IMPG2: variants seen among roughly 807,000 people sequenced by gnomAD.
IMPG2 encodes interphotoreceptor matrix proteoglycan 2, also known as IPM 200.
IMPG2 carries 91 observed loss-of-function variants against 129.2 expected under a neutral mutation model. The ratio of observed to expected loss-of-function variants is 0.70; its 90% confidence interval spans 0.59 to 0.84. IMPG2 has a LOEUF of 0.84. Ranked by LOEUF, IMPG2 falls within the 40% of genes least tolerant of loss-of-function variation. IMPG2 has a pLI of 0.00. For missense variants in IMPG2, 1,430 were observed against 1,461.7 expected (o/e 0.98, Z 0.35); for synonymous variants, 510 against 517.7 (o/e 0.99, Z 0.20).
intron 18 of IMPG2, among the ~76,000 whole-genome samples, 167 bp downstream of exon 18, chr3:101,228,630 T>C (rs1409752675): frequency 6.6e-6 from 1 of 152,230 alleles, no homozygotes; most frequent in East Asian, 1.9e-4. Flanking sequence ...AGAAATGAGA[T>C]AATCTGCCTG....
At chr3:101,297,416 T>A (rs1486675701) in intron 3 of IMPG2, among the ~76,000 whole-genome samples, 1 of 152,150 alleles carries the variant, frequency 6.6e-6, no homozygotes, top group African/African-American at 2.4e-5. Flanking sequence ...TCTGCTCTGA[T>A]CTTAGTTGTT....
intron 4 of IMPG2, among the ~76,000 whole-genome samples, chr3:101,279,928 A>G (rs1442570132): frequency 1.3e-5 from 2 of 152,328 alleles, no homozygotes; most frequent in Non-Finnish European, 2.9e-5. Flanking sequence ...ACTTAACAAC[A>G]AGAATCCTTT....
chr3:101,300,893 A>C (rs879764312), intron 3 of IMPG2, among the ~76,000 whole-genome samples: 1 of 152,232 alleles, frequency 6.6e-6, no homozygotes, highest in South Asian at 2.1e-4. Context: ...CTTAAGGCCT[A>C]TCTCAGTTTT....
intron 3 of IMPG2, among the ~76,000 whole-genome samples, chr3:101,291,893 A>C (rs756165026): frequency 1.3e-5 from 2 of 152,356 alleles, no homozygotes; most frequent in Non-Finnish European, 2.9e-5. Flanking sequence ...CTCATCCTAG[A>C]ACAATGTAAA....
chr3:101,227,169 T>G (rs1041276525), intron 18 of IMPG2, among the ~76,000 whole-genome samples, 188 bp from the exon 19 acceptor site: 2 of 152,254 alleles, frequency 1.3e-5, no homozygotes. Context: ...AAAGATCATG[T>G]GATGCTTTAA....
intron 14 of IMPG2, among the ~76,000 whole-genome samples, chr3:101,240,018 GT>G (rs1706389436): frequency 6.6e-6 from 1 of 151,538 alleles, no homozygotes; most frequent in Admixed American, 6.6e-5. Flanking sequence ...GTATACCTGT[GT>G]AACAGATCTG....
intron 9 of IMPG2, among the ~76,000 whole-genome samples, chr3:101,265,215 A>G (rs1706709935): frequency 6.6e-6 from 1 of 152,160 alleles, no homozygotes; most frequent in Non-Finnish European, 1.5e-5. Flanking sequence ...GTATGGAACC[A>G]CAAAAGACCC....
chr3:101,246,100 A>T lies in IMPG2; in HGVS notation c.1245T>A (p.Asn415Lys). Residue 415 changes from asparagine to lysine, a missense_variant, in exon 12 of 19, where the codon AAT becomes AAA. Coordinates refer to ENST00000193391, the MANE Select transcript of IMPG2 (RefSeq NM_016247.4). ...LQATPSSILD[N>K]TFQAAWPSAD... ...CTGAGGGCCATGCAGCTTGAAAGGTATTATCCTGGGGGGAAAAAAAGGCTA... is the reference window on the plus strand; with the variant it reads ...CTGAGGGCCATGCAGCTTGAAAGGTTTTATCCTGGGGGGAAAAAAAGGCTA... 6.2e-7 allele frequency: 1 copy of T among 1,613,920 alleles called. No homozygotes were observed. The highest frequency in any genetic ancestry group is 2.2e-5 in the East Asian group (1 of 44,878).
At position 101,230,878 on chromosome 3, in the gene IMPG2, T is replaced by C. The variant is rs1576742500; in HGVS notation, c.3422+79A>G. On this transcript the variant is annotated intron_variant, in intron 16 of 18. Coordinates refer to ENST00000193391, the MANE Select transcript of IMPG2 (RefSeq NM_016247.4). ...TCCACCCAGCCAGCTCCTTGTCCAATATTTGGCACCTGGTAAGTACTAAAT... is the reference window on the plus strand; with the variant it reads ...TCCACCCAGCCAGCTCCTTGTCCAACATTTGGCACCTGGTAAGTACTAAAT... 7 of 1,315,606 alleles carry C rather than the reference T, an allele frequency of 5.3e-6. No homozygotes were observed. In the East Asian group the frequency reaches 1.4e-4, roughly 26 times the overall value. 81.5% of individuals were successfully genotyped at this position (1,315,606 alleles called of 1,614,324 possible).
At chr3:101,274,955 T>TTCATG (rs1414310795) in intron 6 of IMPG2, among the ~76,000 whole-genome samples, 5 of 152,096 alleles carry the variant, frequency 3.3e-5, no homozygotes. Context: ...GTGGAGCGAC[T>TTCATG]TAACCTGATT....
At position 101,232,939 on chromosome 3, in the gene IMPG2, A is replaced by G. The variant is rs756842727; in HGVS notation, c.3075T>C (p.Cys1025=). The G allele has an allele frequency of 3.7e-6, 6 of 1,613,948 alleles. No homozygotes were observed. The highest frequency in any genetic ancestry group is 5.1e-6 in the Non-Finnish European group (6 of 1,180,028). Residue 1025 remains cysteine (C), a synonymous_variant, in exon 15 of 19, where the codon TGT becomes TGC. Coordinates refer to ENST00000193391, the MANE Select transcript of IMPG2 (RefSeq NM_016247.4). ...CTTCTCCACTCCAGGGGTTGACCAG[A>G]CACTCTGAAAATTCATTACAGGCCT... ...KFQACNEFSE[C]LVNPWSGEAK...
At chr3:101,296,140 G>A (rs567368475) in intron 3 of IMPG2, among the ~76,000 whole-genome samples, 73 of 152,254 alleles carry the variant, frequency 4.8e-4, no homozygotes, top group African/African-American at 1.6e-3. Flanking sequence ...GTCTTGTGCC[G>A]GTTTTCAAAG....
At chr3:101,295,448 G>A (rs1359991437) in intron 3 of IMPG2, among the ~76,000 whole-genome samples, 1 of 152,072 alleles carries the variant, frequency 6.6e-6, no homozygotes, top group Non-Finnish European at 1.5e-5. Context: ...TGTCTGTTTT[G>A]GCACCAGTAC....
In IMPG2 at chr3:101,269,541, G is replaced by T; in HGVS notation, c.861C>A (p.Tyr287Ter). ...VENAFTGLPG[Y>*]KEIRVLEFRS... ...TAAATTCAAGTACACGAATTTCCTT[G>T]TAGCCTGGTAACCCAGTAAATGCAT... Residue 287 changes from tyrosine to a stop codon, truncating the protein, a stop_gained, in exon 8 of 19, where the codon TAC becomes TAA. Coordinates refer to ENST00000193391, the MANE Select transcript of IMPG2 (RefSeq NM_016247.4). LOFTEE classifies it high-confidence loss of function. 6.3e-7 allele frequency: 1 copy of T among 1,596,218 alleles called. No homozygotes were observed. The highest frequency in any genetic ancestry group is 8.6e-7 in the Non-Finnish European group (1 of 1,163,990).
chr3:101,303,296 T>C (rs1045614951), intron 3 of IMPG2, among the ~76,000 whole-genome samples: 1 of 152,230 alleles, frequency 6.6e-6, no homozygotes, highest in African/African-American at 2.4e-5. Context: ...TCCTTGCCTT[T>C]TGACTCATAG....
At chr3:101,228,192 G>T (rs1576741298) in intron 18 of IMPG2, among the ~76,000 whole-genome samples, 1 of 152,146 alleles carries the variant, frequency 6.6e-6, no homozygotes, top group Admixed American at 6.5e-5. Flanking sequence ...ACAGACATTT[G>T]CCCAAAATGC....
In IMPG2 at chr3:101,291,614, C is replaced by A. The variant is rs1576765537; in HGVS notation, c.502-104G>T. 1.0e-5 allele frequency: 8 copies of A among 800,014 alleles called. No homozygotes were observed. In the South Asian group the frequency reaches 1.2e-4, roughly 12 times the overall value. 49.6% of individuals were successfully genotyped at this position (800,014 alleles called of 1,614,324 possible). ...CACTACTGCCCTACCATGGTAGAATCTATGTTAGTACTCTCTATGGTTAGA... is the reference window on the plus strand; with the variant it reads ...CACTACTGCCCTACCATGGTAGAATATATGTTAGTACTCTCTATGGTTAGA... On this transcript the variant is annotated intron_variant, in intron 3 of 18. Coordinates refer to ENST00000193391, the MANE Select transcript of IMPG2 (RefSeq NM_016247.4).
rs1559643247 is a variant in IMPG2, at chr3:101,244,628, CCAAAA to C, written c.1698_1702del (p.Phe567LeufsTer30). 1.2e-6 allele frequency: 2 copies of C among 1,605,452 alleles called. 1 individual carries two copies. The highest frequency in any genetic ancestry group is 2.7e-5 in the African/African-American group (2 of 74,580). On this transcript the variant is annotated frameshift_variant, in exon 13 of 19. Coordinates refer to ENST00000193391, the MANE Select transcript of IMPG2 (RefSeq NM_016247.4). LOFTEE classifies it high-confidence loss of function. ...GACTTTGGAGGTCAAGGAGTCCAAG[CCAAAA>C]GGTATAGAAGAGGTCAGATATGGTG...
chr3:101,288,073 T>C (rs1403147266), intron 4 of IMPG2, among the ~76,000 whole-genome samples: 1 of 151,982 alleles, frequency 6.6e-6, no homozygotes, highest in Non-Finnish European at 1.5e-5. Context: ...CATTAAAAAG[T>C]AGGCAAAGGA....
Sources: gnomAD v4.1 joint callset for allele counts (sites outside exome capture counted in the v4.1 genomes callset) on GRCh38, gnomAD v4.1.1 for gene constraint, MANE v1.5 for transcripts, NCBI Gene and HGNC (gene_info 2026-07-23, HGNC 2026-07-21) for gene names.